The following SLC9A4 variants were observed in gnomAD, a reference collection of about 807,000 sequenced individuals.
The protein encoded by SLC9A4 is sodium/hydrogen exchanger 4.
Under a neutral mutation model 67.4 loss-of-function variants are expected in SLC9A4, and 63 were observed. The ratio of observed to expected loss-of-function variants is 0.93; its 90% CI spans 0.76 to 1.15. The LOEUF (loss-of-function observed/expected upper bound fraction) is 1.15. Ranked by LOEUF, SLC9A4 falls within the 50% of genes most tolerant of loss-of-function variation. SLC9A4 has a pLI of 0.00. For missense variants in SLC9A4, 1,089 were observed against 987.7 expected (o/e 1.10, Z -1.38); for synonymous variants, 393 against 367.2 (o/e 1.07, Z -0.80).
intron 4 of SLC9A4, among the ~76,000 whole-genome samples, chr2:102,506,752 C>A (rs901202454): frequency 3.9e-5 from 6 of 152,082 alleles, no homozygotes; most frequent in Admixed American, 6.6e-5. Context: ...AGAGCTTTAG[C>A]CGAGCCAAAA....
At position 102,512,208 on chromosome 2, in the gene SLC9A4, G is replaced by T. The variant is rs374041431; in HGVS notation, c.1494G>T (p.Met498Ile). The change falls in exon 7 of 12, where the codon ATG becomes ATT. Residue 498 changes from methionine (M) to isoleucine (I), a missense_variant. Physicochemically the swap from Met to Ile is conservative, Grantham distance 10. Coordinates refer to ENST00000295269, the MANE Select transcript of SLC9A4 (RefSeq NM_001011552.4). Reference sequence around the variant, plus strand: ...TTCTTGTGTTTGTTTGGCAGCTGATGGATCACTTAAAGGCTGGAATCGAAG... The same window carrying T: ...TTCTTGTGTTTGTTTGGCAGCTGATTGATCACTTAAAGGCTGGAATCGAAG... Reference protein sequence around the residue: ...SINEELHIRLMDHLKAGIEDV... With the variant: ...SINEELHIRLIDHLKAGIEDV... 1.9e-6 allele frequency: 3 copies of T among 1,613,848 alleles called. No homozygotes were observed. The highest frequency in any genetic ancestry group is 2.5e-6 in the Non-Finnish European group (3 of 1,179,924).
chr2:102,526,903 A>G (rs1390824115), intron 11 of SLC9A4, among the ~76,000 whole-genome samples: 1 of 152,216 alleles, frequency 6.6e-6, no homozygotes, highest in African/African-American at 2.4e-5. Context: ...ATGTGTATAA[A>G]ATGATTTGCT....
chr2:102,506,938 G>C (rs114099399), intron 4 of SLC9A4, among the ~76,000 whole-genome samples: 1 of 152,088 alleles, frequency 6.6e-6, no homozygotes, highest in Non-Finnish European at 1.5e-5. Context: ...GTTGGAATCC[G>C]GTTCTCCCGC....
chr2:102,526,033 G>A (rs1293651963), intron 10 of SLC9A4, among the ~76,000 whole-genome samples: 5 of 152,010 alleles, frequency 3.3e-5, no homozygotes, highest in South Asian at 2.1e-4. Flanking sequence ...GATTACAGGT[G>A]CCCGTCTCCA....
In SLC9A4 at chr2:102,479,171, CT is replaced by C; in HGVS notation, c.590del (p.Leu197ArgfsTer6). The C allele has an allele frequency of 6.2e-7, 1 of 1,614,184 alleles. No individual in the cohort carries two copies. Among genetic ancestry groups the C allele is most frequent in the Non-Finnish European group, 8.5e-7 (1 of 1,180,020 alleles). On this transcript the variant is annotated frameshift_variant, in exon 2 of 12. Transcript: ENST00000295269. LOFTEE classifies it high-confidence loss of function. The part of the protein sequence containing the change: ...GLGDVNLLQN[L>X]LFGSLISAVD... The stretch of plus-strand genomic sequence containing the variant: ...GGGCGACGTCAACCTGCTGCAGAAC[CT>C]GCTGTTCGGCAGCCTGATCTCCGCC...
chr2:102,482,449 A>G (rs943457474), intron 2 of SLC9A4, among the ~76,000 whole-genome samples: 1 of 152,214 alleles, frequency 6.6e-6, no homozygotes, highest in Non-Finnish European at 1.5e-5. Flanking sequence ...CCCAGACGAC[A>G]CTGGACTAGT....
Position 102,508,226 on chromosome 2 carries a change from A to G in SLC9A4, c.1346A>G (p.Lys449Arg). Reference sequence around the variant, plus strand: ...CTTCCTCTGTCTCTTTTTCCTAGGAAGAAAATGTTTGTCACTGCTACTCTA... The same window carrying G: ...CTTCCTCTGTCTCTTTTTCCTAGGAGGAAAATGTTTGTCACTGCTACTCTA... The part of the protein sequence containing the change: ...FLLPLSLFPR[K>R]KMFVTATLVV... Residue 449 changes from lysine (K) to arginine (R), a missense_variant, in exon 5 of 12, where the codon AAG (lysine) becomes AGG (arginine). By Grantham distance (26) the Lys-to-Arg change is conservative. Transcript: ENST00000295269. 8 of 1,614,076 alleles carry G rather than the reference A, an allele frequency of 5.0e-6. No individual in the cohort carries two copies. The highest frequency in any genetic ancestry group is 6.8e-6 in the Non-Finnish European group (8 of 1,180,038).
intron 8 of SLC9A4, among the ~76,000 whole-genome samples, chr2:102,519,485 C>T (rs1216370419): frequency 4.6e-5 from 7 of 151,930 alleles, no homozygotes; most frequent in Non-Finnish European, 8.8e-5. Context: ...TTGCATTTAA[C>T]GGTAAAATAT....
intron 2 of SLC9A4, among the ~76,000 whole-genome samples, chr2:102,481,179 G>A (rs899859288): frequency 6.6e-6 from 1 of 152,074 alleles, no homozygotes; most frequent in African/African-American, 2.4e-5. Context: ...GCCAAATATC[G>A]TGGCATTACA....
chr2:102,510,840 G>C (rs903040885), intron 6 of SLC9A4, among the ~76,000 whole-genome samples: 1 of 152,162 alleles, frequency 6.6e-6, no homozygotes, highest in African/African-American at 2.4e-5. Flanking sequence ...TATGACACTG[G>C]GCATGGTTTC....
intron 3 of SLC9A4, 148 bp from the exon 4 acceptor site, chr2:102,505,106 C>T (rs556863374): frequency 3.5e-5 from 25 of 710,556 alleles, no homozygotes; most frequent in South Asian, 2.7e-4. Context: ...AGAAAATCTG[C>T]GGAAAATCTG....
At chr2:102,525,229 C>T in intron 10 of SLC9A4, 74 bp downstream of exon 10, 5 of 1,588,746 alleles carry the variant, frequency 3.1e-6, no homozygotes, top group Non-Finnish European at 4.3e-6. Context: ...TGTTCCTGTA[C>T]AGGATCTCAC....
intron 2 of SLC9A4, among the ~76,000 whole-genome samples, chr2:102,488,899 C>G (rs1323501154): frequency 6.6e-6 from 1 of 152,094 alleles, no homozygotes; most frequent in South Asian, 2.1e-4. Context: ...TCTGGTGGAG[C>G]CAGAGGTCCC....
At position 102,533,367 on chromosome 2, in the gene SLC9A4, A is replaced by G. The variant is rs1674819869; in HGVS notation, c.*679A>G. ...TGAAATATTTATTTTAAAAATGAAT[A>G]TTAGAAACAAAACAGCCATAAACAG... is the stretch of plus-strand genomic sequence containing the variant. On this transcript the variant is annotated 3_prime_UTR_variant, in exon 12 of 12. Coordinates refer to ENST00000295269, the MANE Select transcript of SLC9A4 (RefSeq NM_001011552.4). 1 of 152,258 alleles carries G rather than the reference A, an allele frequency of 6.6e-6. No homozygotes were observed. The highest frequency in any genetic ancestry group is 1.9e-4 in the East Asian group (1 of 5,292). 9.4% of individuals were successfully genotyped at this position (152,258 alleles called of 1,614,324 possible). A position where few individuals can be genotyped will look rare whatever the true frequency, so the allele number is the denominator to read the frequency against.
intron 2 of SLC9A4, among the ~76,000 whole-genome samples, chr2:102,502,803 G>T (rs933579431): frequency 6.6e-6 from 1 of 152,252 alleles, no homozygotes; most frequent in Non-Finnish European, 1.5e-5. Flanking sequence ...ATGGGAGGAC[G>T]GGGAGAAGGC....
At chr2:102,531,832 T>A (rs1243918014) in intron 11 of SLC9A4, among the ~76,000 whole-genome samples, 1 of 152,220 alleles carries the variant, frequency 6.6e-6, no homozygotes, top group Non-Finnish European at 1.5e-5. Context: ...TGTGGCTCCC[T>A]TCTATCCCCC....
chr2:102,490,756 T>A (rs1684679072), intron 2 of SLC9A4, among the ~76,000 whole-genome samples: 2 of 152,312 alleles, frequency 1.3e-5, no homozygotes, highest in South Asian at 2.1e-4. Context: ...AGTTCATAGA[T>A]CTTTTACCAT....
rs766125133 is a variant in SLC9A4, at chr2:102,526,344, C to T, written c.2036C>T (p.Ser679Leu). 9.3e-6 allele frequency: 15 copies of T among 1,613,514 alleles called. No individual in the cohort carries two copies. The African/African-American group carries it at 1.3e-4, about 14-fold the overall frequency. Reference protein sequence around the residue: ...AGRDTRAAGFSDDDSSDPGSP... With the variant: ...AGRDTRAAGFLDDDSSDPGSP... ...AGAGACACAAGGGCTGCTGGGTTCT[C>T]AGGTAAGCTGCCCACCTGGCTGCTC... The change falls in exon 11 of 12, where the codon TCA becomes TTA. Residue 679 changes from serine (S) to leucine (L), a missense_variant and splice_region_variant. By Grantham distance (145) the Ser-to-Leu change is moderately radical. Transcript: ENST00000295269.
intron 1 of SLC9A4, 92 bp from the exon 2 acceptor site, chr2:102,478,747 T>C: frequency 1.6e-6 from 2 of 1,271,508 alleles, no homozygotes; most frequent in Non-Finnish European, 2.2e-6. Context: ...AGTCAGCTTG[T>C]CCACGGTCCT....
Sources: gnomAD v4.1 joint callset for allele counts (sites outside exome capture counted in the v4.1 genomes callset) on GRCh38, gnomAD v4.1.1 for gene constraint, MANE v1.5 for transcripts, NCBI Gene and HGNC (gene_info 2026-07-23, HGNC 2026-07-21) for gene names.